LNX2: variants seen among roughly 807,000 people sequenced by gnomAD.
LNX2 encodes the protein ligand of Numb protein X 2.
In LNX2, 35 loss-of-function variants were observed where a neutral mutation model predicts 66.2. The ratio of observed to expected loss-of-function variants is 0.53; its 90% CI spans 0.40 to 0.70. LNX2 has a LOEUF of 0.70. Among genes scored for constraint, LNX2 ranks in the 30% least tolerant of loss-of-function variants. The pLI, the probability that LNX2 is intolerant of heterozygous loss-of-function variation, is 0.00. For missense variants in LNX2, 791 were observed against 850.8 expected, an observed-to-expected ratio of 0.93 and a Z score of 0.87; for synonymous variants, 337 against 315.6, an observed-to-expected ratio of 1.07 and a Z score of -0.72.
intron 7 of LNX2, among the ~76,000 whole-genome samples, chr13:27,554,574 T>C (rs1029659126): frequency 6.6e-6 from 1 of 152,220 alleles, no homozygotes; most frequent in African/African-American, 2.4e-5. Context: ...TTCAGTCCTT[T>C]TCATGGCCAA....
At chr13:27,560,843 T>G (rs1343729538) in intron 5 of LNX2, among the ~76,000 whole-genome samples, 1 of 152,086 alleles carries the variant, frequency 6.6e-6, no homozygotes, top group Admixed American at 6.6e-5. Flanking sequence ...TTTAAAGAAA[T>G]TGTGGTACAA....
At chr13:27,584,765 A>G (rs1487207073) in intron 1 of LNX2, among the ~76,000 whole-genome samples, 1 of 152,238 alleles carries the variant, frequency 6.6e-6, no homozygotes, top group Non-Finnish European at 1.5e-5. Context: ...AGGTGGTGGC[A>G]TAGGATTCAG....
chr13:27,567,000 T>C (rs1046421047), intron 4 of LNX2, among the ~76,000 whole-genome samples: 5 of 152,168 alleles, frequency 3.3e-5, no homozygotes, highest in African/African-American at 4.8e-5. Flanking sequence ...ATGCTAGTTA[T>C]TTCTGGAGAA....
chr13:27,613,775 T>G (rs1955798407), intron 1 of LNX2, among the ~76,000 whole-genome samples: 1 of 151,716 alleles, frequency 6.6e-6, no homozygotes, highest in South Asian at 2.1e-4. Flanking sequence ...CTCAAAAAAA[T>G]AAAAATAAAA....
rs1361261308 is a variant in LNX2 at position 27,560,580 on chromosome 13, T to TATATATATATATATATATAC, written c.1225-596_1225-595insGTATATATATATATATATAT. On this transcript the variant is annotated intron_variant, in intron 5 of 9. Transcript: ENST00000316334. The stretch of plus-strand genomic sequence containing the variant: ...ATGTATGTGTGTATATATATATATA[T>TATATATATATATATATATAC]ATATAGCATACTTGTGTGAATGTGA... 3.5e-4 allele frequency among the ~76,000 whole-genome samples: 51 copies of TATATATATATATATATATAC among 147,818 alleles called. 3 individuals are homozygous for TATATATATATATATATATAC. The highest frequency in any genetic ancestry group is 1.2e-3 in the African/African-American group (48 of 39,326).
intron 2 of LNX2, among the ~76,000 whole-genome samples, chr13:27,574,955 A>G (rs1955326821): frequency 6.6e-6 from 1 of 152,234 alleles, no homozygotes; most frequent in Admixed American, 6.5e-5. Context: ...AAAACTCTCA[A>G]CCAGGAAGTC....
rs753982051 is a variant in LNX2 at position 27,562,643 on chromosome 13, A to C, written c.994T>G (p.Ser332Ala). The change falls in exon 5 of 10, where the codon TCT becomes GCT. Residue 332 changes from serine to alanine, a missense_variant. By Grantham distance (99) the Ser-to-Ala change is moderately conservative. Coordinates refer to ENST00000316334, the MANE Select transcript of LNX2 (RefSeq NM_153371.4). ...ACTTGGAAAATCTCTTCTCGTGGAG[A>C]GTTACTATCAGAATGGTTGTGTGCT... ...NRAHNHSDSNSPREEIFQVAL... is the reference protein window; with the variant it reads ...NRAHNHSDSNAPREEIFQVAL... 6.2e-7 allele frequency: 1 copy of C among 1,614,096 alleles called. No individual in the cohort carries two copies. Among genetic ancestry groups the C allele is most frequent in the Middle Eastern group, 1.6e-4 (1 of 6,062 alleles).
At chr13:27,612,147 C>T (rs1403083597) in intron 1 of LNX2, among the ~76,000 whole-genome samples, 1 of 152,222 alleles carries the variant, frequency 6.6e-6, no homozygotes, top group Non-Finnish European at 1.5e-5. Context: ...ACCAGATTAT[C>T]TGCAGACTAT....
Position 27,559,833 on chromosome 13 carries a change from A to T in LNX2, c.1368+9T>A. ...TGATGGTGGCATAAAAAAAAAAAAA[A>T]ATCCTCACCTTATGTGAGCTTGGTC... On this transcript the variant is annotated intron_variant, in intron 6 of 9. Transcript: ENST00000316334. 1 of 1,500,268 alleles carries T rather than the reference A, an allele frequency of 6.7e-7. No individual in the cohort carries two copies. Among genetic ancestry groups the T allele is most frequent in the East Asian group, 2.4e-5 (1 of 41,810 alleles). 92.9% of individuals were successfully genotyped at this position (1,500,268 alleles called of 1,614,324 possible).
chr13:27,588,472 A>C (rs1955516192), intron 1 of LNX2, among the ~76,000 whole-genome samples: 1 of 152,236 alleles, frequency 6.6e-6, no homozygotes, highest in Admixed American at 6.5e-5. Flanking sequence ...TGAAATGACA[A>C]AATTATAGAA....
chr13:27,548,597 T>C, intron 9 of LNX2, 127 bp from the exon 10 acceptor site: 2 of 1,016,206 alleles, frequency 2.0e-6, no homozygotes, highest in South Asian at 3.4e-5. Flanking sequence ...TTAGGGTGTA[T>C]AATCTACTTT....
intron 2 of LNX2, among the ~76,000 whole-genome samples, chr13:27,580,341 GT>G: frequency 8.2e-6 from 1 of 121,438 alleles, no homozygotes; most frequent in Admixed American, 8.6e-5. Flanking sequence ...ATGATTTTAT[GT>G]GTGAGTATAA....
intron 8 of LNX2, among the ~76,000 whole-genome samples, chr13:27,552,057 C>T (rs1019904699): frequency 6.6e-6 from 1 of 152,194 alleles, no homozygotes; most frequent in South Asian, 2.1e-4. Flanking sequence ...TCTTTCAACA[C>T]AGGTGGGCTC....
chr13:27,583,231 T>TCCTCTCCTATATAA lies in LNX2; in HGVS notation c.-100-1429_-100-1428insTTATATAGGAGAGG, dbSNP rs1955433443. 1.2e-4 allele frequency among the ~76,000 whole-genome samples: 2 copies of TCCTCTCCTATATAA among 16,558 alleles called. 1 individual carries two copies. The highest frequency in any genetic ancestry group is 4.2e-4 in the African/African-American group (2 of 4,764). 10.9% of individuals were successfully genotyped at this position (16,558 alleles called of 152,430 possible). On this transcript the variant is annotated intron_variant, in intron 1 of 9. Transcript: ENST00000316334. ...GTGTGTGTGTGTGTGTGTGTGTGTG[T>TCCTCTCCTATATAA]GTGTGTGTGTGTGTGTGTGTGTGTG...
At chr13:27,570,731 A>T (rs1955268896) in intron 2 of LNX2, among the ~76,000 whole-genome samples, 1 of 152,218 alleles carries the variant, frequency 6.6e-6, no homozygotes, top group African/African-American at 2.4e-5. Flanking sequence ...AAATAATATG[A>T]CTGAAAAGAC....
chr13:27,572,069 T>C (rs1212965551), intron 2 of LNX2, among the ~76,000 whole-genome samples: 2 of 152,194 alleles, frequency 1.3e-5, no homozygotes, highest in African/African-American at 2.4e-5. Flanking sequence ...TTCCAGTGTA[T>C]CATACTAAAT....
intron 2 of LNX2, among the ~76,000 whole-genome samples, chr13:27,576,529 CAAT>C (rs1211363057): frequency 1.4e-5 from 2 of 146,042 alleles, no homozygotes; most frequent in African/African-American, 5.1e-5. Flanking sequence ...AAGCCTGGTG[CAAT>C]ATGGCAAGAC....
intron 1 of LNX2, among the ~76,000 whole-genome samples, chr13:27,608,679 G>A (rs1955742743): frequency 6.6e-6 from 1 of 152,170 alleles, no homozygotes; most frequent in East Asian, 1.9e-4. Flanking sequence ...TTAAAATTGA[G>A]ATATTGCTAA....
intron 1 of LNX2, among the ~76,000 whole-genome samples, chr13:27,588,939 C>G (rs1219620857): frequency 6.6e-6 from 1 of 152,106 alleles, no homozygotes; most frequent in African/African-American, 2.4e-5. Context: ...TTTAATCTGT[C>G]ATGAGCTCAC....
Sources: allele counts gnomAD v4.1 joint callset (sites outside exome capture counted in the v4.1 genomes callset), GRCh38; gene constraint gnomAD v4.1.1; transcripts MANE v1.5; gene names NCBI Gene and HGNC (gene_info 2026-07-23, HGNC 2026-07-21).